Variants in ARHGAP26 observed in about 807,000 individuals in gnomAD.
ARHGAP26 encodes Rho GTPase activating protein 26.
Under a neutral mutation model 104.8 loss-of-function variants are expected in ARHGAP26, and 38 were observed. The observed-to-expected ratio is 0.36, with a 90% CI of 0.28 to 0.48. ARHGAP26 has a LOEUF of 0.48. ARHGAP26 is among the 20% of genes least tolerant of loss of function. The probability of loss-of-function intolerance (pLI) is 0.99; values close to 1 mark genes in which losing one functional copy is unlikely to be tolerated. For missense variants in ARHGAP26, 704 were observed against 947.9 expected (o/e 0.74, Z 3.38); for synonymous variants, 341 against 340.0 (o/e 1.00, Z -0.03).
intron 17 of ARHGAP26, among the ~76,000 whole-genome samples, chr5:143,089,450 G>T (rs1216967196): frequency 6.6e-6 from 1 of 152,196 alleles, no homozygotes; most frequent in East Asian, 1.9e-4. Flanking sequence ...CTAACTCATT[G>T]GACAGAGCAG....
At chr5:142,783,726 C>T (rs1476754236) in intron 1 of ARHGAP26, among the ~76,000 whole-genome samples, 2 of 152,224 alleles carry the variant, frequency 1.3e-5, no homozygotes, top group Non-Finnish European at 2.9e-5. Context: ...TAAAGCAGGG[C>T]TGGATGACTG....
intron 11 of ARHGAP26, among the ~76,000 whole-genome samples, chr5:143,002,703 C>G (rs1026049082): frequency 6.6e-6 from 1 of 152,176 alleles, no homozygotes; most frequent in Non-Finnish European, 1.5e-5. Context: ...TCCTGAAACA[C>G]TTTTCTGACT....
chr5:143,079,741 A>G (rs1789541016), intron 17 of ARHGAP26, among the ~76,000 whole-genome samples: 1 of 152,316 alleles, frequency 6.6e-6, no homozygotes, highest in South Asian at 2.1e-4. Flanking sequence ...TCGTTTCCCT[A>G]TAGCCTTAGC....
chr5:142,873,955 C>A (rs939358307), intron 2 of ARHGAP26, among the ~76,000 whole-genome samples: 3 of 152,194 alleles, frequency 2.0e-5, no homozygotes, highest in Non-Finnish European at 2.9e-5. Context: ...AATTTATAAT[C>A]TAAAATTCCA....
intron 19 of ARHGAP26, among the ~76,000 whole-genome samples, chr5:143,137,425 A>G (rs1169326850): frequency 1.3e-5 from 2 of 152,180 alleles, no homozygotes; most frequent in African/African-American, 4.8e-5. Flanking sequence ...TTCAGTTCAT[A>G]GTGACACCTG....
chr5:143,204,394 G>C (rs1031865770), intron 20 of ARHGAP26, among the ~76,000 whole-genome samples: 1 of 152,090 alleles, frequency 6.6e-6, no homozygotes, highest in African/African-American at 2.4e-5. Context: ...CATGGTGGGG[G>C]GGATCTATAA....
intron 11 of ARHGAP26, among the ~76,000 whole-genome samples, chr5:142,993,477 G>A (rs1010899307): frequency 5.3e-5 from 8 of 151,832 alleles, no homozygotes; most frequent in African/African-American, 1.7e-4. Context: ...CCCAATTTTT[G>A]TGTTTTTAAT....
chr5:143,054,861 T>C (rs927081778), intron 15 of ARHGAP26, among the ~76,000 whole-genome samples: 3 of 152,240 alleles, frequency 2.0e-5, no homozygotes, highest in Non-Finnish European at 4.4e-5. Context: ...ATGAATCATC[T>C]TCTGTTAAGA....
intron 11 of ARHGAP26, among the ~76,000 whole-genome samples, chr5:142,968,468 T>C (rs1335543398): frequency 6.6e-6 from 1 of 152,224 alleles, no homozygotes; most frequent in Admixed American, 6.5e-5. Flanking sequence ...CATACAAATA[T>C]TAGATATGCT....
chr5:143,170,501 T>G (rs1400088693), intron 20 of ARHGAP26: 7 of 152,232 alleles, frequency 4.6e-5, no homozygotes, highest in Non-Finnish European at 8.8e-5. Flanking sequence ...AGTGCCTGGT[T>G]CATATCCTGA....
At chr5:143,193,440 G>A (rs1236146501) in intron 20 of ARHGAP26, among the ~76,000 whole-genome samples, 1 of 151,814 alleles carries the variant, frequency 6.6e-6, no homozygotes, top group Non-Finnish European at 1.5e-5. Context: ...GTAAAGGTGG[G>A]GTTTCACCAT....
intron 20 of ARHGAP26, among the ~76,000 whole-genome samples, chr5:143,188,829 C>T (rs981908739): frequency 6.6e-6 from 1 of 152,090 alleles, no homozygotes; most frequent in Admixed American, 6.5e-5. Context: ...GTGAGGGTAA[C>T]CTAGAAAAAG....
chr5:142,862,180 G>C (rs1237877065), intron 1 of ARHGAP26, among the ~76,000 whole-genome samples: 1 of 152,194 alleles, frequency 6.6e-6, no homozygotes, highest in Non-Finnish European at 1.5e-5. Flanking sequence ...CTCTTTTCCT[G>C]CTTTTCAAGT....
chr5:142,830,870 T>TAA (rs1369452356), intron 1 of ARHGAP26, among the ~76,000 whole-genome samples: 1 of 152,230 alleles, frequency 6.6e-6, no homozygotes, highest in East Asian at 1.9e-4. Context: ...TGATTCCACT[T>TAA]ACATGCCTGC....
rs187559174 is a variant in ARHGAP26, at chr5:143,004,301, A to G, written c.1108-9779A>G. On this transcript the variant is annotated intron_variant, in intron 11 of 22. Coordinates refer to ENST00000645722, the MANE Select transcript of ARHGAP26 (RefSeq NM_001135608.3). ...AGGAGCATGGAGTCCTTCTCAGGCCATATTTAGTTTGCTTTAACACAGACC... is the reference window on the plus strand; with the variant it reads ...AGGAGCATGGAGTCCTTCTCAGGCCGTATTTAGTTTGCTTTAACACAGACC... 1.1e-3 allele frequency among the ~76,000 whole-genome samples: 175 copies of G among 152,294 alleles called. 1 individual carries two copies. Among genetic ancestry groups the G allele is most frequent in the African/African-American group, 4.1e-3 (169 of 41,560 alleles).
At chr5:142,786,800 C>T (rs939708299) in intron 1 of ARHGAP26, among the ~76,000 whole-genome samples, 13 of 151,838 alleles carry the variant, frequency 8.6e-5, no homozygotes, top group African/African-American at 3.1e-4. Context: ...GCACATGCTA[C>T]CACAGCCGGC....
intron 17 of ARHGAP26, among the ~76,000 whole-genome samples, chr5:143,079,716 A>G (rs767612684): frequency 5.3e-5 from 8 of 152,162 alleles, no homozygotes; most frequent in Non-Finnish European, 7.3e-5. Context: ...CATTGGACCT[A>G]TTTTACCTGT....
chr5:143,117,754 A>G (rs1312310225), intron 17 of ARHGAP26, among the ~76,000 whole-genome samples: 1 of 152,254 alleles, frequency 6.6e-6, no homozygotes, highest in African/African-American at 2.4e-5. Flanking sequence ...AATTAAGTCT[A>G]AGAAATGGAA....
At chr5:143,103,282 A>G (rs1562430270) in intron 17 of ARHGAP26, 1 of 973,444 alleles carries the variant, frequency 1.0e-6, no homozygotes. Context: ...AACTTTTAAA[A>G]GTCAGGAAAC....
Sources: allele counts gnomAD v4.1 joint callset (sites outside exome capture counted in the v4.1 genomes callset), GRCh38; gene constraint gnomAD v4.1.1; transcripts MANE v1.5; gene names NCBI Gene and HGNC (gene_info 2026-07-23, HGNC 2026-07-21).